The following CPLANE1 variants were observed in gnomAD, a reference collection of about 807,000 sequenced individuals.
CPLANE1 encodes ciliogenesis and planar polarity effector 1.
CPLANE1 carries 263 observed loss-of-function variants against 362.5 expected under a neutral mutation model. The observed-to-expected ratio is 0.73, with a 90% CI of 0.66 to 0.80. The LOEUF (loss-of-function observed/expected upper bound fraction) is 0.80, where lower values mean the gene tolerates loss of function less well. CPLANE1 is among the 30% of genes least tolerant of loss of function. CPLANE1 has a pLI of 0.00. For missense variants in CPLANE1, 3,461 were observed against 3,793.4 expected (o/e 0.91, Z 2.30); for synonymous variants, 1,212 against 1,302.6 (o/e 0.93, Z 1.50).
rs376821475 is a variant in CPLANE1, at chr5:37,180,993, G to A, written c.5434C>T (p.Arg1812Cys). 2.5e-6 allele frequency: 4 copies of A among 1,613,270 alleles called. No individual in the cohort carries two copies. The highest frequency in any genetic ancestry group is 2.2e-5 in the East Asian group (1 of 44,880). The change falls in exon 27 of 53, where the codon CGT becomes TGT. Residue 1812 changes from arginine to cysteine, a missense_variant. By Grantham distance (180) the Arg-to-Cys change is radical. Coordinates refer to ENST00000651892, the MANE Select transcript of CPLANE1 (RefSeq NM_001384732.1). ...GGTCCAATCTGACACCCAGTGTCAC[G>A]ATTCTCTACCATCTAAAGCAAACCA... ...KNAIIKMVEN[R>C]DTGCQIGPNI...
intron 51 of CPLANE1, among the ~76,000 whole-genome samples, chr5:37,113,583 G>C (rs1759981083): frequency 2.0e-5 from 3 of 152,270 alleles, no homozygotes; most frequent in Admixed American, 2.0e-4. Flanking sequence ...GGGGGAAAGA[G>C]TAGAAAAAGT....
At chr5:37,233,504 C>G (rs1335964623) in intron 8 of CPLANE1, among the ~76,000 whole-genome samples, 1 of 151,972 alleles carries the variant, frequency 6.6e-6, no homozygotes, top group Non-Finnish European at 1.5e-5. Context: ...ACTCAGGGAA[C>G]AGGGGAGACC....
At chr5:37,219,573 G>C (rs1054524646) in intron 15 of CPLANE1, among the ~76,000 whole-genome samples, 7 of 152,092 alleles carry the variant, frequency 4.6e-5, no homozygotes, top group African/African-American at 1.7e-4. Context: ...GCACATGCCT[G>C]TGGTTCCAGC....
At chr5:37,158,152 G>T in intron 39 of CPLANE1, 72 bp downstream of exon 39, 2 of 1,492,452 alleles carry the variant, frequency 1.3e-6, no homozygotes, top group South Asian at 1.2e-5. Context: ...CTACCCAATT[G>T]AATAATGTCT....
chr5:37,210,529 T>A, intron 16 of CPLANE1: 1 of 1,428,982 alleles, frequency 7.0e-7, no homozygotes, highest in South Asian at 1.2e-5. Flanking sequence ...CTCATAGCTT[T>A]TAATTCAAAA....
Position 37,164,279 on chromosome 5 carries a change from G to T in CPLANE1, c.7582C>A (p.Pro2528Thr), listed in dbSNP as rs1359475338. The T allele has an allele frequency of 1.2e-6, 2 of 1,611,234 alleles. No homozygotes were observed. The highest frequency in any genetic ancestry group is 1.7e-5 in the Admixed American group (1 of 59,966). ...TAATCATACACATACATACCAAAAG[G>T]AACGTCGAAGTCATCCAAAGGATGG... Reference protein sequence around the residue: ...GSHPLDDFDVPFEMLQDDNTS... With the variant: ...GSHPLDDFDVTFEMLQDDNTS... Residue 2528 changes from proline to threonine, a missense_variant, in exon 37 of 53, where the codon CCT (proline) becomes ACT (threonine). Pro to Thr is a conservative substitution (Grantham distance 38, BLOSUM62 -1). Around this residue, in one of 2 missense-constraint regions of CPLANE1, gnomAD observed 3,380 missense variants for 3,666.1 expected, o/e 0.92. Coordinates refer to ENST00000651892, the MANE Select transcript of CPLANE1 (RefSeq NM_001384732.1).
chr5:37,193,953 G>A (rs1238902453), intron 21 of CPLANE1, among the ~76,000 whole-genome samples: 3 of 145,002 alleles, frequency 2.1e-5, no homozygotes, highest in Admixed American at 7.1e-5. Flanking sequence ...ACAGAGTCTC[G>A]TCCTGTCACC....
At chr5:37,154,483 T>TA (rs1774492674) in intron 41 of CPLANE1, among the ~76,000 whole-genome samples, 1 of 132,828 alleles carries the variant, frequency 7.5e-6, no homozygotes, top group Non-Finnish European at 1.6e-5. Flanking sequence ...TTTTTTTTTT[T>TA]AAGAGATAGA....
At chr5:37,097,352 C>T in the CPLANE1 span, among the ~76,000 whole-genome samples, 3 of 152,064 alleles carry the variant, frequency 2.0e-5, no homozygotes, top group South Asian at 4.1e-4. Context: ...TGAAAAAGAA[C>T]GCAAAGTCTA....
At chr5:37,104,735 A>G (rs1474324567), downstream of CPLANE1, among the ~76,000 whole-genome samples, 3 of 150,906 alleles carry the variant, frequency 2.0e-5, no homozygotes, top group Admixed American at 2.0e-4. Context: ...GTGAAACCCC[A>G]TCTCTACTTA....
intron 38 of CPLANE1, among the ~76,000 whole-genome samples, chr5:37,161,857 T>C (rs999095544): frequency 2.0e-5 from 3 of 152,220 alleles, no homozygotes; most frequent in Admixed American, 1.3e-4. Context: ...GATTACATTT[T>C]TAAAACATAA....
intron 51 of CPLANE1, among the ~76,000 whole-genome samples, chr5:37,112,835 T>C (rs968774678): frequency 4.6e-5 from 7 of 152,188 alleles, no homozygotes; most frequent in African/African-American, 9.7e-5. Flanking sequence ...CATTGAACAA[T>C]GAAACAAATA....
At chr5:37,140,792 G>A (rs1020635538) in intron 44 of CPLANE1, 30 of 985,116 alleles carry the variant, frequency 3.0e-5, no homozygotes, top group Middle Eastern at 5.2e-4. Context: ...ACTAACCCAC[G>A]GCCACAGTAC....
intron 8 of CPLANE1, among the ~76,000 whole-genome samples, chr5:37,238,491 T>TTC (rs1392714843): frequency 0.059 from 7,252 of 122,898 alleles, 183 homozygotes; most frequent in Non-Finnish European, 0.094. Context: ...CCTTTTCTTT[T>TTC]TTTTTTTTTT....
chr5:37,134,354 T>C (rs1490925982), intron 46 of CPLANE1, among the ~76,000 whole-genome samples: 1 of 152,230 alleles, frequency 6.6e-6, no homozygotes, highest in Non-Finnish European at 1.5e-5. Context: ...AATTTCTTCC[T>C]GATTCAATGT....
intron 35 of CPLANE1, among the ~76,000 whole-genome samples, chr5:37,165,903 C>T (rs571598759): frequency 4.1e-4 from 62 of 152,258 alleles, no homozygotes; most frequent in African/African-American, 1.3e-3. Context: ...CTATATTAGT[C>T]ACTGGAATCT....
chr5:37,131,808 G>A (rs1765915089), intron 46 of CPLANE1, among the ~76,000 whole-genome samples: 1 of 151,974 alleles, frequency 6.6e-6, no homozygotes, highest in South Asian at 2.1e-4. Context: ...GGGATTATAG[G>A]CGTGAGCCAC....
At chr5:37,235,920 A>T (rs1240063784) in intron 8 of CPLANE1, among the ~76,000 whole-genome samples, 1 of 140,122 alleles carries the variant, frequency 7.1e-6, no homozygotes, top group African/African-American at 2.7e-5. Flanking sequence ...CCCAGGCTGG[A>T]GTGCAACGGT....
At chr5:37,237,799 G>A (rs1175276927) in intron 8 of CPLANE1, among the ~76,000 whole-genome samples, 3 of 151,488 alleles carry the variant, frequency 2.0e-5, no homozygotes, top group African/African-American at 4.9e-5. Flanking sequence ...GCAGTTAGCC[G>A]AGATCACACC....
Sources: gnomAD v4.1 joint callset for allele counts (sites outside exome capture counted in the v4.1 genomes callset) on GRCh38, gnomAD v4.1.1 for gene constraint, gnomAD v4.1.1 regional missense constraint, MANE v1.5 for transcripts, NCBI Gene and HGNC (gene_info 2026-07-23, HGNC 2026-07-21) for gene names.